Variants in NUP210 observed in about 807,000 individuals in gnomAD.
NUP210 encodes nuclear pore membrane glycoprotein 210.
NUP210 carries 151 observed loss-of-function variants against 196.0 expected under a neutral mutation model. The ratio of observed to expected loss-of-function variants is 0.77; its 90% CI spans 0.67 to 0.88. The LOEUF is 0.88. Among genes scored for constraint, NUP210 ranks in the 40% least tolerant of loss-of-function variants. NUP210 has a pLI of 0.00. For synonymous variants in NUP210, 1,070 were observed against 1,052.7 expected, an observed-to-expected ratio of 1.02 and a Z score of -0.32; for missense variants, 2,314 against 2,493.7, an observed-to-expected ratio of 0.93 and a Z score of 1.53.
Position 13,328,791 on chromosome 3 carries a change from G to A in NUP210, c.4266C>T (p.Val1422=), listed in dbSNP as rs771506450. The change falls in exon 31 of 40, where the codon GTC becomes GTT. Residue 1422 remains valine, a synonymous_variant. Coordinates refer to ENST00000254508, the MANE Select transcript of NUP210 (RefSeq NM_024923.4). The part of the protein sequence containing the change: ...SGDVFHAHSS[V]LNFATNRDDF... ...CCTACCTGTTAGTGGCAAAGTTGAG[G>A]ACCGAACTGTGAGCATGGAAGACAT... is the stretch of plus-strand genomic sequence containing the variant. The A allele has an allele frequency of 3.7e-6, 6 of 1,614,114 alleles. No individual in the cohort carries two copies. The highest frequency in any genetic ancestry group is 3.3e-5 in the Admixed American group (2 of 60,024).
chr3:13,416,632 C>T (rs529062461), intron 1 of NUP210, among the ~76,000 whole-genome samples: 2,186 of 152,322 alleles, frequency 0.014, 33 homozygotes, highest in South Asian at 0.027. Context: ...AAGACAGCGC[C>T]CCCTTGCTGG....
intron 6 of NUP210, among the ~76,000 whole-genome samples, chr3:13,380,655 A>C (rs899716203): frequency 6.6e-6 from 1 of 152,216 alleles, no homozygotes; most frequent in Non-Finnish European, 1.5e-5. Context: ...CAGCAAGAGA[A>C]GAGAGAAGAG....
At chr3:13,414,854 G>A (rs1452943123) in intron 1 of NUP210, among the ~76,000 whole-genome samples, 5 of 152,152 alleles carry the variant, frequency 3.3e-5, no homozygotes, top group Admixed American at 2.0e-4. Context: ...GTTTAACTCC[G>A]GCAATCAACT....
rs1452419219 is a variant in NUP210, at chr3:13,386,369, T to C, written c.723A>G (p.Glu241=). 1.9e-6 allele frequency: 3 copies of C among 1,614,202 alleles called. No homozygotes were observed. In the Admixed American group the frequency reaches 5.0e-5, roughly 27 times the overall value. The change falls in exon 6 of 40, where the codon GAA becomes GAG. Residue 241 remains glutamate, a synonymous_variant. Transcript: ENST00000254508. ...CATAGGCCGGGTTCAGAAGGATGTT[T>C]TCCAAAATCAGCAGCCTGACTTCTG... ...RPAEVRLLIL[E]NILLNPAYDV...
chr3:13,410,257 C>T (rs1406958615), intron 1 of NUP210, among the ~76,000 whole-genome samples: 3 of 149,452 alleles, frequency 2.0e-5, no homozygotes, highest in Admixed American at 6.6e-5. Context: ...CTCGGCTCAC[C>T]GCAGCCTCCA....
chr3:13,409,137 GA>G (rs1240460951), intron 1 of NUP210, among the ~76,000 whole-genome samples: 9 of 152,218 alleles, frequency 5.9e-5, no homozygotes, highest in African/African-American at 2.2e-4. Context: ...TTCTGTGGGG[GA>G]CATGTGCTGG....
intron 20 of NUP210, among the ~76,000 whole-genome samples, chr3:13,346,391 A>T (rs1210217297): frequency 6.6e-6 from 1 of 152,230 alleles, no homozygotes; most frequent in African/African-American, 2.4e-5. Context: ...CCTGATTGAC[A>T]CATGGGAGAA....
chr3:13,417,114 A>T (rs952950159), intron 1 of NUP210, among the ~76,000 whole-genome samples: 2 of 152,204 alleles, frequency 1.3e-5, no homozygotes, highest in South Asian at 4.1e-4. Flanking sequence ...CTGGCAAATT[A>T]GCCAGAGGCT....
rs921146910 is a variant in NUP210, at chr3:13,350,445, A to G, written c.2835+1434T>C. Among the ~76,000 whole-genome samples the G allele has an allele frequency of 7.1e-5, 8 of 112,658 alleles. No homozygotes were observed. Among genetic ancestry groups the G allele is most frequent in the Non-Finnish European group, 1.4e-4 (8 of 55,174 alleles). The allele number at this position is 112,658 out of a possible 152,430, so 73.9% of individuals were successfully genotyped here. Reference sequence around the variant, plus strand: ...ACAATTATAGGACATGAAAAAACAAAACAAAACAAAACAAAACAAAACAAA... The same window carrying G: ...ACAATTATAGGACATGAAAAAACAAGACAAAACAAAACAAAACAAAACAAA... On this transcript the variant is annotated intron_variant, in intron 20 of 39. Coordinates refer to ENST00000254508, the MANE Select transcript of NUP210 (RefSeq NM_024923.4). The surrounding 1 kb of genome is among the most constrained non-coding windows in gnomAD (Gnocchi z 4.1).
In NUP210 at chr3:13,339,046, C is replaced by T. The variant is rs536087391; in HGVS notation, c.3471+808G>A. Among the ~76,000 whole-genome samples, 6 of 152,282 alleles carry T rather than the reference C, an allele frequency of 3.9e-5. No homozygotes were observed. The East Asian group carries it at 9.6e-4, about 24-fold the overall frequency. The stretch of plus-strand genomic sequence containing the variant: ...TCTGGAATGTCACGCTCCAGGAAGC[C>T]CATCTGAACCCTACCCCATCCCCAG... On this transcript the variant is annotated intron_variant, in intron 25 of 39. Coordinates refer to ENST00000254508, the MANE Select transcript of NUP210 (RefSeq NM_024923.4).
chr3:13,418,849 C>T (rs953689198), intron 1 of NUP210, among the ~76,000 whole-genome samples: 5 of 145,142 alleles, frequency 3.4e-5, no homozygotes, highest in African/African-American at 1.3e-4. Context: ...ATCCCAGCTA[C>T]GAGGCGGGAG....
intron 1 of NUP210, among the ~76,000 whole-genome samples, chr3:13,417,329 T>TA (rs1240436733): frequency 1.1e-4 from 16 of 151,836 alleles, no homozygotes; most frequent in Non-Finnish European, 1.9e-4. Flanking sequence ...TGTTATAAAA[T>TA]AAAAAAAATA....
In NUP210 at chr3:13,353,299, AC is replaced by A. The variant is rs1482366214; in HGVS notation, c.2628+254del. 3.3e-5 allele frequency among the ~76,000 whole-genome samples: 5 copies of A among 151,930 alleles called. No individual in the cohort carries two copies. In the East Asian group the frequency reaches 5.8e-4, roughly 18 times the overall value. The stretch of plus-strand genomic sequence containing the variant: ...AAGACCTAAGTTTCCTTGTGGCTGT[AC>A]CCCCCATGAGGTGGCTGTCATCCAG... On this transcript the variant is annotated intron_variant, in intron 18 of 39. Coordinates refer to ENST00000254508, the MANE Select transcript of NUP210 (RefSeq NM_024923.4).
chr3:13,347,131 A>C lies in NUP210; in HGVS notation c.2836-3828T>G. On this transcript the variant is annotated intron_variant, in intron 20 of 39. Transcript: ENST00000254508. This position sits in a 1 kb window ranked among gnomAD's most constrained non-coding sequence, Gnocchi z 4.7. ...TGACGGGCTGCGCCTCACAGGACCCAGGAGATGGAGAGAAGCAGCCGCAGC... is the reference window on the plus strand; with the variant it reads ...TGACGGGCTGCGCCTCACAGGACCCCGGAGATGGAGAGAAGCAGCCGCAGC... The C allele has an allele frequency of 1.0e-6, 1 of 985,404 alleles. No individual in the cohort carries two copies. 61.0% of individuals were successfully genotyped at this position (985,404 alleles called of 1,614,324 possible).
In NUP210 at chr3:13,323,915, C is replaced by A. The variant is rs774098935; in HGVS notation, c.4645-483G>T. On this transcript the variant is annotated intron_variant, in intron 33 of 39. Coordinates refer to ENST00000254508, the MANE Select transcript of NUP210 (RefSeq NM_024923.4). The surrounding 1 kb of genome is among the most constrained non-coding windows in gnomAD (Gnocchi z 4.3). ...CTAGGACACCCTCCCATCTTCTCTG[C>A]AGAGCCCAGCCTCATCCACCCTTCA... is the stretch of plus-strand genomic sequence containing the variant. Among the ~76,000 whole-genome samples, 16 of 152,192 alleles carry A rather than the reference C, an allele frequency of 1.1e-4. No individual in the cohort carries two copies. The highest frequency in any genetic ancestry group is 2.4e-4 in the Non-Finnish European group (16 of 68,026).
At chr3:13,331,181 G>A (rs987587331) in intron 29 of NUP210, among the ~76,000 whole-genome samples, 14 of 152,168 alleles carry the variant, frequency 9.2e-5, no homozygotes, top group African/African-American at 3.4e-4. Context: ...TCTAAGGACT[G>A]TCAACAGGAT....
At position 13,397,314 on chromosome 3, in the gene NUP210, T is replaced by C. The variant is rs566130514; in HGVS notation, c.436+43A>G. On this transcript the variant is annotated intron_variant, in intron 3 of 39. Coordinates refer to ENST00000254508, the MANE Select transcript of NUP210 (RefSeq NM_024923.4). ...CCAGAGTCATGGTGGGGGGATGATC[T>C]AGCATGGGCTGCAGAAGACAAACAG... The C allele has an allele frequency of 1.6e-4, 262 of 1,589,110 alleles. 1 individual carries two copies. In the South Asian group the frequency reaches 2.4e-3, roughly 14 times the overall value.
chr3:13,385,890 C>T (rs1006687571), intron 6 of NUP210, among the ~76,000 whole-genome samples: 2 of 152,162 alleles, frequency 1.3e-5, no homozygotes, highest in African/African-American at 4.8e-5. Context: ...ACCCTTGCTA[C>T]AACATGGATG....
Position 13,379,778 on chromosome 3 carries a change from T to G in NUP210, c.818-57A>C, listed in dbSNP as rs750151101. ...AAGAGAGAGCAAAGACAGGAAATGT[T>G]AGAAGCCAATACACTCCCACTGCCA... On this transcript the variant is annotated intron_variant, in intron 6 of 39. Transcript: ENST00000254508. This position sits in a 1 kb window ranked among gnomAD's most constrained non-coding sequence, Gnocchi z 4.2. 11 of 1,459,614 alleles carry G rather than the reference T, an allele frequency of 7.5e-6. No individual in the cohort carries two copies. Among genetic ancestry groups the G allele is most frequent in the Non-Finnish European group, 1.0e-5 (11 of 1,086,772 alleles). 90.4% of individuals were successfully genotyped at this position (1,459,614 alleles called of 1,614,324 possible). A position where few individuals can be genotyped will look rare whatever the true frequency, so the allele number is the denominator to read the frequency against.
Sources: allele counts gnomAD v4.1 joint callset (sites outside exome capture counted in the v4.1 genomes callset), GRCh38; gene constraint gnomAD v4.1.1; non-coding constraint Gnocchi (gnomAD v3.1); transcripts MANE v1.5; gene names NCBI Gene and HGNC (gene_info 2026-07-23, HGNC 2026-07-21).